Variants in DLG2 observed in about 807,000 individuals in gnomAD.
DLG2 encodes the protein disks large homolog 2.
In DLG2, 45 loss-of-function variants were observed where a neutral mutation model predicts 132.5. The observed-to-expected ratio is 0.34, with a 90% CI of 0.27 to 0.44. The LOEUF is 0.44. Ranked by LOEUF, DLG2 falls within the 20% of genes least tolerant of loss-of-function variation. DLG2 has a pLI of 1.00. For synonymous variants in DLG2, 424 were observed against 419.6 expected (o/e 1.01, Z -0.13); for missense variants, 1,045 against 1,196.9 (o/e 0.87, Z 1.87).
chr11:85,179,720 A>C (rs1019231884), intron 4 of DLG2, among the ~76,000 whole-genome samples: 2 of 151,858 alleles, frequency 1.3e-5, no homozygotes, highest in Admixed American at 1.3e-4. Flanking sequence ...TGGCGGAATA[A>C]GTCTAAAGAC....
At chr11:84,908,320 T>C (rs2091743481) in intron 6 of DLG2, among the ~76,000 whole-genome samples, 1 of 152,190 alleles carries the variant, frequency 6.6e-6, no homozygotes, top group African/African-American at 2.4e-5. Flanking sequence ...ACTTCATTTT[T>C]TCATACTAAA....
chr11:84,015,987 A>G (rs1566049275), intron 11 of DLG2, among the ~76,000 whole-genome samples: 1 of 152,114 alleles, frequency 6.6e-6, no homozygotes, highest in Non-Finnish European at 1.5e-5. Flanking sequence ...GAACTAATTT[A>G]CACTCCCACC....
At chr11:84,718,330 A>G (rs926127167) in intron 6 of DLG2, among the ~76,000 whole-genome samples, 9 of 152,130 alleles carry the variant, frequency 5.9e-5, no homozygotes, top group Non-Finnish European at 1.2e-4. Flanking sequence ...CACTCTATTG[A>G]CATGAATCTC....
chr11:85,107,257 C>CA (rs1366315792), intron 6 of DLG2, among the ~76,000 whole-genome samples: 9 of 151,922 alleles, frequency 5.9e-5, no homozygotes, highest in Admixed American at 5.9e-4. Flanking sequence ...AAGGGGTGTG[C>CA]AAATATGCAA....
intron 19 of DLG2, among the ~76,000 whole-genome samples, chr11:83,545,040 A>G (rs1391759097): frequency 6.6e-6 from 1 of 152,126 alleles, no homozygotes; most frequent in Non-Finnish European, 1.5e-5. Flanking sequence ...AAAGTCCTTG[A>G]ACTGCTGGCC....
intron 7 of DLG2, among the ~76,000 whole-genome samples, chr11:84,478,866 T>G (rs1181316832): frequency 6.6e-6 from 1 of 152,084 alleles, no homozygotes; most frequent in African/African-American, 2.4e-5. Flanking sequence ...GTATAAAAGA[T>G]GATTTGTGTA....
Position 85,418,925 on chromosome 11 carries a change from A to T in DLG2, c.41-133560T>A, listed in dbSNP as rs192733707. ...GTCTTTTAATTGGGGCATTTAGCCCATTTACATTTAAGGTTAAGATTATTA... is the reference window on the plus strand; with the variant it reads ...GTCTTTTAATTGGGGCATTTAGCCCTTTTACATTTAAGGTTAAGATTATTA... On this transcript the variant is annotated intron_variant, in intron 3 of 27. Transcript: ENST00000376104. Among the ~76,000 whole-genome samples, 3 of 152,302 alleles carry T rather than the reference A, an allele frequency of 2.0e-5. No homozygotes were observed. The South Asian group carries it at 6.2e-4, about 32-fold the overall frequency.
chr11:83,896,433 C>T (rs1175047906), intron 15 of DLG2, among the ~76,000 whole-genome samples: 1 of 152,176 alleles, frequency 6.6e-6, no homozygotes, highest in East Asian at 1.9e-4. Context: ...AATCTGCCCA[C>T]ATAAAGATGC....
chr11:85,361,853 T>C (rs187595596), intron 3 of DLG2, among the ~76,000 whole-genome samples: 154 of 152,346 alleles, frequency 1.0e-3, no homozygotes, highest in African/African-American at 3.6e-3. Flanking sequence ...ACATTGGTAA[T>C]TTGATAGGGA....
chr11:83,531,087 T>C (rs755908773), intron 21 of DLG2, among the ~76,000 whole-genome samples: 1 of 151,958 alleles, frequency 6.6e-6, no homozygotes, highest in African/African-American at 2.4e-5. Context: ...TAAATCTTCA[T>C]GACTTTCATT....
chr11:85,424,300 C>T lies in DLG2; in HGVS notation c.41-138935G>A, dbSNP rs370044316. 4.6e-4 allele frequency among the ~76,000 whole-genome samples: 70 copies of T among 152,140 alleles called. 1 individual carries two copies. In the East Asian group the frequency reaches 8.7e-3, roughly 19 times the overall value. ...TACTGCAGGAGCAATCTTCTTTTTT[C>T]GGGGGATCTGTGGGTTCTCTCAGGT... On this transcript the variant is annotated intron_variant, in intron 3 of 27. Transcript: ENST00000376104.
chr11:84,517,868 A>C (rs1413421125), intron 7 of DLG2, among the ~76,000 whole-genome samples: 4 of 152,000 alleles, frequency 2.6e-5, no homozygotes, highest in Non-Finnish European at 5.9e-5. Context: ...TGAACCTGAA[A>C]GACATTTGGT....
chr11:85,364,484 G>T (rs2084388987), intron 3 of DLG2, among the ~76,000 whole-genome samples: 1 of 152,086 alleles, frequency 6.6e-6, no homozygotes, highest in Admixed American at 6.6e-5. Flanking sequence ...AATTGAGGCT[G>T]ACTGATTCTA....
chr11:83,753,899 T>TC (rs2093530385), intron 18 of DLG2, among the ~76,000 whole-genome samples: 1 of 128,288 alleles, frequency 7.8e-6, no homozygotes, highest in African/African-American at 3.2e-5. Flanking sequence ...ATATCATATA[T>TC]ATATTTCATA....
At position 85,464,900 on chromosome 11, in the gene DLG2, C is replaced by T. The variant is rs112320546; in HGVS notation, c.40+133757G>A. The stretch of plus-strand genomic sequence containing the variant: ...CCAGCCTGGCCAACATGGTGACACC[C>T]CGTCTCTACTAAAAATACAAAAAAT... On this transcript the variant is annotated intron_variant, in intron 3 of 27. Transcript: ENST00000376104. Among the ~76,000 whole-genome samples the T allele has an allele frequency of 2.0e-5, 3 of 150,994 alleles. 1 individual carries two copies. Among genetic ancestry groups the T allele is most frequent in the South Asian group, 4.2e-4 (2 of 4,736 alleles).
At chr11:84,996,874 T>C (rs765079161) in intron 6 of DLG2, among the ~76,000 whole-genome samples, 7 of 152,294 alleles carry the variant, frequency 4.6e-5, no homozygotes, top group Non-Finnish European at 7.4e-5. Context: ...GCAGCTGATA[T>C]GTGACAGATA....
At chr11:84,912,507 C>CT (rs564338619) in intron 6 of DLG2, among the ~76,000 whole-genome samples, 121 of 152,270 alleles carry the variant, frequency 7.9e-4, no homozygotes, top group Admixed American at 1.3e-3. Context: ...ATATCTGGGG[C>CT]TTTTTTTGTC....
At chr11:84,658,256 T>C (rs943957669) in intron 6 of DLG2, among the ~76,000 whole-genome samples, 2 of 152,128 alleles carry the variant, frequency 1.3e-5, no homozygotes, top group South Asian at 4.1e-4. Context: ...GGGTCCCTGA[T>C]TATCATGGAA....
In DLG2 at chr11:83,887,525, G is replaced by A. The variant is rs561364639; in HGVS notation, c.1497-13037C>T. Reference sequence around the variant, plus strand: ...AGCCGAATTCTACCAGAGGTATAAGGAGGAACTCGTACCATTCCTTGTGAA... The same window carrying A: ...AGCCGAATTCTACCAGAGGTATAAGAAGGAACTCGTACCATTCCTTGTGAA... On this transcript the variant is annotated intron_variant, in intron 15 of 27. Coordinates refer to ENST00000376104, the MANE Select transcript of DLG2 (RefSeq NM_001142699.3). Among the ~76,000 whole-genome samples, 6 of 152,218 alleles carry A rather than the reference G, an allele frequency of 3.9e-5. No homozygotes were observed. In the South Asian group the frequency reaches 1.2e-3, roughly 32 times the overall value.
Sources: gnomAD v4.1 joint callset for allele counts (sites outside exome capture counted in the v4.1 genomes callset) on GRCh38, gnomAD v4.1.1 for gene constraint, MANE v1.5 for transcripts, NCBI Gene and HGNC (gene_info 2026-07-23, HGNC 2026-07-21) for gene names.